The following FHOD3 variants were observed in gnomAD, a reference collection of about 807,000 sequenced individuals.
FHOD3 encodes formin homology 2 domain containing 3, also known as FH1/FH2 domain-containing protein 3.
In FHOD3, 90 loss-of-function variants were observed where a neutral mutation model predicts 173.0. The observed-to-expected ratio is 0.52, with a 90% CI of 0.44 to 0.62. FHOD3 has a LOEUF of 0.62. Among genes scored for constraint, FHOD3 ranks in the 20% least tolerant of loss-of-function variants. The pLI is 0.00. For missense variants in FHOD3, 1,945 were observed against 2,034.7 expected, an observed-to-expected ratio of 0.96 and a Z score of 0.85; for synonymous variants, 828 against 823.0, an observed-to-expected ratio of 1.01 and a Z score of -0.10.
At chr18:36,410,974 TTGA>T (rs746053499) in intron 3 of FHOD3, among the ~76,000 whole-genome samples, 7 of 152,206 alleles carry the variant, frequency 4.6e-5, no homozygotes, top group Non-Finnish European at 7.4e-5. Context: ...TTTTGTGTTC[TTGA>T]TGATGTTCTT....
intron 3 of FHOD3, among the ~76,000 whole-genome samples, chr18:36,443,274 A>G (rs1254169241): frequency 6.6e-6 from 1 of 152,198 alleles, no homozygotes; most frequent in African/African-American, 2.4e-5. Context: ...TGTTTGCCAA[A>G]TGGTAATTTT....
At chr18:36,339,602 G>C (rs751180140) in intron 1 of FHOD3, among the ~76,000 whole-genome samples, 4 of 152,146 alleles carry the variant, frequency 2.6e-5, no homozygotes, top group Non-Finnish European at 5.9e-5. Flanking sequence ...GTGGTCTGCT[G>C]CCCACTCCTC....
intron 10 of FHOD3, among the ~76,000 whole-genome samples, chr18:36,630,836 A>G (rs1382547803): frequency 3.9e-5 from 6 of 152,268 alleles, no homozygotes; most frequent in Middle Eastern, 6.3e-3. Context: ...CACTAGGGTT[A>G]CAGAAAAATT....
chr18:36,708,104 G>A (rs1392763914), intron 17 of FHOD3, among the ~76,000 whole-genome samples: 1 of 152,224 alleles, frequency 6.6e-6, no homozygotes, highest in Admixed American at 6.5e-5. Flanking sequence ...TTTTAAAAAA[G>A]CATAAGCCAG....
intron 5 of FHOD3, among the ~76,000 whole-genome samples, chr18:36,574,157 A>G (rs144468187): frequency 5.3e-5 from 8 of 152,316 alleles, no homozygotes; most frequent in African/African-American, 1.2e-4. Flanking sequence ...CGCTAAATAC[A>G]TGGTAACTTT....
intron 14 of FHOD3, among the ~76,000 whole-genome samples, chr18:36,665,934 C>G (rs749902054): frequency 6.6e-6 from 1 of 152,064 alleles, no homozygotes; most frequent in African/African-American, 2.4e-5. Context: ...TCCTTTGGGC[C>G]GGAGGACTCA....
In FHOD3 at chr18:36,372,891, A is replaced by T. The variant is rs555942499; in HGVS notation, c.337+147A>T. 30 of 696,588 alleles carry T rather than the reference A, an allele frequency of 4.3e-5. No homozygotes were observed. In the East Asian group the frequency reaches 7.4e-4, roughly 17 times the overall value. 43.2% of individuals were successfully genotyped at this position (696,588 alleles called of 1,614,324 possible). A position where few individuals can be genotyped will look rare whatever the true frequency, so the allele number is the denominator to read the frequency against. Reference sequence around the variant, plus strand: ...TTTAGTGAAACAATTTCCAGCAATGATTTTTGAAGGCCTGTTTCATTCCAG... The same window carrying T: ...TTTAGTGAAACAATTTCCAGCAATGTTTTTTGAAGGCCTGTTTCATTCCAG... On this transcript the variant is annotated intron_variant, in intron 3 of 28. Coordinates refer to ENST00000590592, the MANE Select transcript of FHOD3 (RefSeq NM_001281740.3).
chr18:36,636,893 A>G (rs1047134930), intron 10 of FHOD3, among the ~76,000 whole-genome samples: 1 of 151,952 alleles, frequency 6.6e-6, no homozygotes, highest in South Asian at 2.1e-4. Context: ...TTCAGAAGCT[A>G]TTTTTTCTTT....
intron 3 of FHOD3, among the ~76,000 whole-genome samples, chr18:36,490,011 G>A (rs1489090702): frequency 1.3e-5 from 2 of 152,178 alleles, no homozygotes; most frequent in Admixed American, 6.5e-5. Context: ...TACTGCGTTT[G>A]AGATGCCACT....
At chr18:36,315,401 G>A (rs2044067373) in intron 1 of FHOD3, among the ~76,000 whole-genome samples, 1 of 152,058 alleles carries the variant, frequency 6.6e-6, no homozygotes, top group Non-Finnish European at 1.5e-5. Flanking sequence ...TTTGCTCCCT[G>A]TGACCAAAGT....
At chr18:36,563,689 A>T (rs1454653610) in intron 5 of FHOD3, among the ~76,000 whole-genome samples, 2 of 152,174 alleles carry the variant, frequency 1.3e-5, no homozygotes, top group African/African-American at 4.8e-5. Context: ...AGTTTTCTTG[A>T]TGCGGTACTG....
intron 10 of FHOD3, among the ~76,000 whole-genome samples, chr18:36,646,582 TG>T (rs887090835): frequency 4.6e-5 from 7 of 152,188 alleles, no homozygotes; most frequent in Non-Finnish European, 8.8e-5. Flanking sequence ...AACAAGATAC[TG>T]AAGTGGAGAG....
intron 3 of FHOD3, among the ~76,000 whole-genome samples, chr18:36,434,468 T>A (rs1022723778): frequency 9.9e-5 from 15 of 152,234 alleles, no homozygotes; most frequent in African/African-American, 3.6e-4. Flanking sequence ...CATTGTTGTA[T>A]TGTACATTTT....
At chr18:36,675,570 A>T (rs1359380290) in intron 14 of FHOD3, among the ~76,000 whole-genome samples, 2 of 152,088 alleles carry the variant, frequency 1.3e-5, no homozygotes, top group African/African-American at 2.4e-5. Context: ...CTGCCTTTTG[A>T]TGGGGTGCCT....
At chr18:36,475,734 C>T (rs188591510) in intron 3 of FHOD3, among the ~76,000 whole-genome samples, 62 of 148,486 alleles carry the variant, frequency 4.2e-4, no homozygotes, top group Non-Finnish European at 8.0e-4. Context: ...GAGACTTTTA[C>T]TTCATATATA....
chr18:36,445,277 G>A (rs965578934), intron 3 of FHOD3, among the ~76,000 whole-genome samples: 2 of 152,142 alleles, frequency 1.3e-5, no homozygotes, highest in East Asian at 1.9e-4. Context: ...CTCTCTAGGG[G>A]ACATATGAGC....
At chr18:36,675,100 C>T (rs956556475) in intron 14 of FHOD3, among the ~76,000 whole-genome samples, 1 of 152,146 alleles carries the variant, frequency 6.6e-6, no homozygotes, top group Non-Finnish European at 1.5e-5. Flanking sequence ...TGTCAGCACA[C>T]TGGGTTGTCA....
At chr18:36,722,146 G>A (rs1405830864) in intron 19 of FHOD3, among the ~76,000 whole-genome samples, 1 of 152,172 alleles carries the variant, frequency 6.6e-6, no homozygotes, top group Non-Finnish European at 1.5e-5. Flanking sequence ...GTGTTTTATG[G>A]TAAAAGGTAG....
At chr18:36,420,329 A>G (rs2049923317) in intron 3 of FHOD3, among the ~76,000 whole-genome samples, 1 of 152,238 alleles carries the variant, frequency 6.6e-6, no homozygotes, top group African/African-American at 2.4e-5. Context: ...CCTTGGAGTC[A>G]TAAACCAGCT....
Sources: gnomAD v4.1 joint callset for allele counts (sites outside exome capture counted in the v4.1 genomes callset) on GRCh38, gnomAD v4.1.1 for gene constraint, MANE v1.5 for transcripts, NCBI Gene and HGNC (gene_info 2026-07-23, HGNC 2026-07-21) for gene names.